STXBP4: variants seen among roughly 807,000 people sequenced by gnomAD.
The protein encoded by STXBP4 is syntaxin-binding protein 4.
Under a neutral mutation model 76.1 loss-of-function variants are expected in STXBP4, and 55 were observed. The ratio of observed to expected loss-of-function variants is 0.72; its 90% CI spans 0.58 to 0.91. The LOEUF (loss-of-function observed/expected upper bound fraction) is 0.91. Among genes scored for constraint, STXBP4 ranks in the 40% least tolerant of loss-of-function variants. The pLI is 0.00. For synonymous variants in STXBP4, 201 were observed against 220.2 expected, an observed-to-expected ratio of 0.91 and a Z score of 0.77; for missense variants, 618 against 636.9, an observed-to-expected ratio of 0.97 and a Z score of 0.32.
chr17:55,003,180 G>C (rs1475295454), intron 7 of STXBP4, among the ~76,000 whole-genome samples: 1 of 152,178 alleles, frequency 6.6e-6, no homozygotes, highest in Non-Finnish European at 1.5e-5. Context: ...ATAGAACTAA[G>C]GATGAGCTAG....
chr17:55,194,374 T>C, the STXBP4 span, among the ~76,000 whole-genome samples: 1 of 152,108 alleles, frequency 6.6e-6, no homozygotes, highest in African/African-American at 2.4e-5. Context: ...TAAATATGAA[T>C]ATACATATAC....
the STXBP4 span, among the ~76,000 whole-genome samples, chr17:55,204,619 T>C: frequency 6.6e-6 from 1 of 152,112 alleles, no homozygotes; most frequent in Non-Finnish European, 1.5e-5. Context: ...AATCCCTCCT[T>C]AGTCCCCCTT....
chr17:54,975,152 T>C (rs2077453362), intron 1 of STXBP4, among the ~76,000 whole-genome samples: 1 of 152,194 alleles, frequency 6.6e-6, no homozygotes, highest in Non-Finnish European at 1.5e-5. Flanking sequence ...TTATTTTTTG[T>C]TTTTGAGACG....
At chr17:55,208,532 T>TGGAAGGAA in the STXBP4 span, among the ~76,000 whole-genome samples, 4 of 132,146 alleles carry the variant, frequency 3.0e-5, no homozygotes, top group Non-Finnish European at 6.3e-5. Flanking sequence ...ACCCTGTTGG[T>TGGAAGGAA]GGAAGGAAGG....
chr17:55,141,209 A>G (rs995847410), intron 16 of STXBP4, 101 bp from the exon 17 acceptor site: 80 of 948,752 alleles, frequency 8.4e-5, no homozygotes, highest in Non-Finnish European at 1.2e-4. Flanking sequence ...TGTATAAGAA[A>G]TGTGCTCAAA....
chr17:55,178,627 A>G (rs903900997), downstream of STXBP4, among the ~76,000 whole-genome samples: 2 of 152,232 alleles, frequency 1.3e-5, no homozygotes, highest in Non-Finnish European at 2.9e-5. Context: ...ATTGTAAGGA[A>G]TTGGTTCACA....
At chr17:55,009,288 TAG>T (rs2078062564) in intron 8 of STXBP4, among the ~76,000 whole-genome samples, 1 of 152,184 alleles carries the variant, frequency 6.6e-6, no homozygotes, top group African/African-American at 2.4e-5. Flanking sequence ...TTTTCAAAAA[TAG>T]AGTGTTTGAA....
chr17:55,087,897 T>C (rs2079359234), intron 16 of STXBP4, among the ~76,000 whole-genome samples: 1 of 152,214 alleles, frequency 6.6e-6, no homozygotes. Context: ...TCCTTCCATT[T>C]GTTTATAGCC....
chr17:55,018,068 G>C (rs563336131), intron 8 of STXBP4, among the ~76,000 whole-genome samples: 9 of 152,058 alleles, frequency 5.9e-5, no homozygotes, highest in African/African-American at 2.2e-4. Flanking sequence ...GGCAAGCCTC[G>C]TGTTCTCTGA....
At chr17:54,986,047 AT>A in intron 2 of STXBP4, 94 bp from the exon 3 acceptor site, 1 of 627,814 alleles carries the variant, frequency 1.6e-6, no homozygotes, top group Non-Finnish European at 2.8e-6. Context: ...TATATTATTT[AT>A]GTTCCAAGTG....
chr17:55,148,894 G>A (rs1047134242), intron 17 of STXBP4, among the ~76,000 whole-genome samples: 7 of 152,154 alleles, frequency 4.6e-5, no homozygotes, highest in African/African-American at 1.7e-4. Context: ...TAATTTGGGG[G>A]CTTTGATTCA....
chr17:55,036,527 A>T (rs1158685110), intron 10 of STXBP4, among the ~76,000 whole-genome samples: 1 of 151,750 alleles, frequency 6.6e-6, no homozygotes, highest in East Asian at 1.9e-4. Flanking sequence ...ACCTTGTTAT[A>T]CCCATTTGCT....
chr17:55,025,180 A>G (rs894010921), intron 8 of STXBP4, among the ~76,000 whole-genome samples: 5 of 152,170 alleles, frequency 3.3e-5, no homozygotes, highest in African/African-American at 1.2e-4. Flanking sequence ...AAAGTAAGTT[A>G]TAGATATTAC....
the STXBP4 span, among the ~76,000 whole-genome samples, chr17:55,211,228 TTTA>T: frequency 8.6e-5 from 13 of 152,018 alleles, no homozygotes; most frequent in South Asian, 2.1e-4. Flanking sequence ...TGCAAATTTT[TTTA>T]TTATTATTTA....
At chr17:55,031,088 TG>T in intron 8 of STXBP4, 79 bp from the exon 9 acceptor site, 3 of 1,070,374 alleles carry the variant, frequency 2.8e-6, no homozygotes, top group Non-Finnish European at 4.2e-6. Flanking sequence ...TTATTTTCCC[TG>T]GGTTGTAAAG....
chr17:55,011,833 G>C (rs1210635970), intron 8 of STXBP4, among the ~76,000 whole-genome samples: 1 of 152,098 alleles, frequency 6.6e-6, no homozygotes. Context: ...AGCTAGTCCT[G>C]TCTCTCAGTC....
intron 13 of STXBP4, among the ~76,000 whole-genome samples, chr17:55,077,195 TTTTG>T (rs2079193774): frequency 6.6e-6 from 1 of 152,184 alleles, no homozygotes; most frequent in African/African-American, 2.4e-5. Context: ...GTTTAGTGAT[TTTTG>T]TTTGTGTCTG....
At chr17:55,119,141 G>A (rs935518560) in intron 16 of STXBP4, among the ~76,000 whole-genome samples, 1 of 151,668 alleles carries the variant, frequency 6.6e-6, no homozygotes, top group African/African-American at 2.4e-5. Flanking sequence ...ATCCATTCTC[G>A]CTATAAAGCA....
In STXBP4 at chr17:55,159,017, G is replaced by T. The variant is rs530096593; in HGVS notation, c.1548-780G>T. Among the ~76,000 whole-genome samples the T allele has an allele frequency of 3.3e-5, 5 of 152,322 alleles. No individual in the cohort carries two copies. In the South Asian group the frequency reaches 1.0e-3, roughly 32 times the overall value. ...CCCAACACTTTGGGAGGCCAAGGTG[G>T]GTGGATCACTTAAGCCCAAGAGTTC... On this transcript the variant is annotated intron_variant, in intron 17 of 17. Coordinates refer to ENST00000376352, the MANE Select transcript of STXBP4 (RefSeq NM_178509.6).
Sources: gnomAD v4.1 joint callset for allele counts (sites outside exome capture counted in the v4.1 genomes callset) on GRCh38, gnomAD v4.1.1 for gene constraint, MANE v1.5 for transcripts, NCBI Gene and HGNC (gene_info 2026-07-23, HGNC 2026-07-21) for gene names.